Variants in SHOC1 observed in about 807,000 individuals in gnomAD.
The protein encoded by SHOC1 is protein shortage in chiasmata 1 ortholog.
SHOC1 carries 136 observed loss-of-function variants against 179.2 expected under a neutral mutation model. The observed-to-expected ratio is 0.76, with a 90% CI of 0.66 to 0.87. The LOEUF (loss-of-function observed/expected upper bound fraction) is 0.87. Among genes scored for constraint, SHOC1 ranks in the 40% least tolerant of loss-of-function variants. SHOC1 has a pLI of 0.00. For missense variants in SHOC1, 1,538 were observed against 1,700.8 expected (o/e 0.90, Z 1.68); for synonymous variants, 489 against 586.6 (o/e 0.83, Z 2.41).
chr9:111,765,396 G>A (rs1161402121), intron 5 of SHOC1, among the ~76,000 whole-genome samples: 4 of 152,022 alleles, frequency 2.6e-5, no homozygotes, highest in East Asian at 3.9e-4. Flanking sequence ...CCAGGAGCTC[G>A]TGACCAGCCT....
intron 3 of SHOC1, among the ~76,000 whole-genome samples, chr9:111,782,710 G>A (rs12336858): frequency 0.19 from 28,592 of 150,574 alleles, 2,885 homozygotes; most frequent in Non-Finnish European, 0.22. Flanking sequence ...CCACAGATGA[G>A]GTCTAAAAAA....
rs960070860 is a variant in SHOC1, at chr9:111,714,614, G to A, written c.2246C>T (p.Ser749Leu). The change falls in exon 17 of 28, where the codon TCG becomes TTG. Residue 749 changes from serine to leucine, a missense_variant. Physicochemically the swap from Ser to Leu is moderately radical, Grantham distance 145. Coordinates refer to ENST00000682961, the MANE Select transcript of SHOC1 (RefSeq NM_001378211.1). Reference sequence around the variant, plus strand: ...GCTGTTGTAGATATCTTTTGCCTTCGACAAATATCCTATTGAAGCAAAATT... The same window carrying A: ...GCTGTTGTAGATATCTTTTGCCTTCAACAAATATCCTATTGAAGCAAAATT... ...CSLDTALGYL[S>L]KAKDIYNSIL... is the part of the protein sequence containing the mutation. 5.0e-6 allele frequency: 8 copies of A among 1,608,482 alleles called. No homozygotes were observed. Among genetic ancestry groups the A allele is most frequent in the Non-Finnish European group, 2.5e-6 (3 of 1,178,684 alleles).
chr9:111,780,794 G>A (rs1219627425), intron 4 of SHOC1, 136 bp downstream of exon 4: 2 of 564,656 alleles, frequency 3.5e-6, no homozygotes, highest in Admixed American at 3.6e-5. Flanking sequence ...GTTCAAATTA[G>A]GACCTTTTCT....
chr9:111,727,745 A>G lies in SHOC1; in HGVS notation c.1722T>C (p.His574=). ...SSIIKKASFE[H]GKKQENDLDL... ...CCAAATCATTCTCTTGTTTTTTGCC[A>G]TGTTCAAAAGATGCTTTTTTAATTA... The change falls in exon 13 of 28, where the codon CAT becomes CAC. Residue 574 remains histidine (H), a synonymous_variant. Coordinates refer to ENST00000682961, the MANE Select transcript of SHOC1 (RefSeq NM_001378211.1). 6.2e-7 allele frequency: 1 copy of G among 1,613,394 alleles called. No homozygotes were observed. The highest frequency in any genetic ancestry group is 2.2e-5 in the East Asian group (1 of 44,762).
chr9:111,703,988 T>C lies in SHOC1; in HGVS notation c.2860A>G (p.Asn954Asp). 6.5e-7 allele frequency: 1 copy of C among 1,532,282 alleles called. No individual in the cohort carries two copies. The highest frequency in any genetic ancestry group is 8.9e-7 in the Non-Finnish European group (1 of 1,118,880). The allele number at this position is 1,532,282 out of a possible 1,614,324, so 94.9% of individuals were successfully genotyped here. ...DILQLLESNY[N>D]ISLVERGCSE... ...CAGCCTCTCTCTACTAGTGAGATGT[T>C]ATAGCTGTAAAATACAATATTCTTG... The change falls in exon 22 of 28, where the codon AAC (asparagine) becomes GAC (aspartate). Residue 954 changes from asparagine (N) to aspartate (D), a missense_variant. Transcript: ENST00000682961.
At chr9:111,689,491 T>G (rs1831331154) in intron 27 of SHOC1, among the ~76,000 whole-genome samples, 1 of 151,878 alleles carries the variant, frequency 6.6e-6, no homozygotes, top group African/African-American at 2.4e-5. Context: ...CTTGAGGTTA[T>G]GGGTTATGCT....
intron 18 of SHOC1, among the ~76,000 whole-genome samples, chr9:111,708,214 T>A (rs933898597): frequency 6.7e-6 from 1 of 149,608 alleles, no homozygotes; most frequent in Non-Finnish European, 1.5e-5. Context: ...TATTTTTTAT[T>A]TTTTTTGAGA....
chr9:111,738,340 A>T lies in SHOC1; in HGVS notation c.1357T>A (p.Leu453Met). ...HLNTYLCHDN[L>M]SSNDTKIEIF... is the part of the protein sequence containing the mutation. The stretch of plus-strand genomic sequence containing the variant: ...TCAATTTTAGTGTCATTAGAAGACA[A>T]ATTATCATGACATAAATATGTATTC... Residue 453 changes from leucine to methionine, a missense_variant, in exon 12 of 28, where the codon TTG becomes ATG. Physicochemically the swap from Leu to Met is conservative, Grantham distance 15. Coordinates refer to ENST00000682961, the MANE Select transcript of SHOC1 (RefSeq NM_001378211.1). 6.2e-7 allele frequency: 1 copy of T among 1,611,514 alleles called. No homozygotes were observed. The highest frequency in any genetic ancestry group is 8.5e-7 in the Non-Finnish European group (1 of 1,179,034).
At chr9:111,782,361 A>C (rs1276081079) in intron 3 of SHOC1, among the ~76,000 whole-genome samples, 1 of 152,176 alleles carries the variant, frequency 6.6e-6, no homozygotes, top group Admixed American at 6.5e-5. Flanking sequence ...TTTTATGTAC[A>C]AACTAGGAAG....
intron 11 of SHOC1, 123 bp from the exon 12 acceptor site, chr9:111,738,645 G>A (rs1459551332): frequency 2.2e-6 from 2 of 918,226 alleles, no homozygotes; most frequent in Non-Finnish European, 3.0e-6. Context: ...TAGAAAATAA[G>A]TGAAACTTGA....
At chr9:111,759,099 G>T in intron 5 of SHOC1, 1 of 1,514,070 alleles carries the variant, frequency 6.6e-7, no homozygotes, top group Non-Finnish European at 8.9e-7. Context: ...GAGCTGTAAC[G>T]GCTAATACTT....
In SHOC1 at chr9:111,759,494, T is replaced by G. The variant is rs576000440; in HGVS notation, c.443-646A>C. On this transcript the variant is annotated intron_variant, in intron 5 of 27. Transcript: ENST00000682961. ...AAATTTCTCCTCTCGGTCTCCACCC[T>G]GCCTTGTCTGGGTTTCTTTAGAATC... 1.4e-5 allele frequency: 17 copies of G among 1,232,092 alleles called. No individual in the cohort carries two copies. The South Asian group carries it at 5.6e-4, about 40-fold the overall frequency. 76.3% of individuals were successfully genotyped at this position (1,232,092 alleles called of 1,614,324 possible).
At position 111,758,079 on chromosome 9, in the gene SHOC1, A is replaced by G. The variant is rs777445905; in HGVS notation, c.708+5T>C. 1 of 1,418,088 alleles carries G rather than the reference A, an allele frequency of 7.1e-7. No individual in the cohort carries two copies. The highest frequency in any genetic ancestry group is 2.1e-5 in the Admixed American group (1 of 46,710). The allele number at this position is 1,418,088 out of a possible 1,614,324, so 87.8% of individuals were successfully genotyped here. On this transcript the variant is annotated splice_donor_5th_base_variant and intron_variant, in intron 7 of 27. Coordinates refer to ENST00000682961, the MANE Select transcript of SHOC1 (RefSeq NM_001378211.1). ...TAAAATATTATTGAAAGCCAGTATT[A>G]CAACCTCATTTAAACATATTGTATC...
intron 5 of SHOC1, 36 bp downstream of exon 5, chr9:111,775,755 G>A: frequency 1.3e-6 from 2 of 1,549,042 alleles, no homozygotes. Context: ...ATATCAGTAA[G>A]AAATGTTTTA....
rs771304041 is a variant in SHOC1, at chr9:111,756,385, A to G, written c.802T>C (p.Leu268=). ...IPSLSELKEL[L]NPVPEIINYV... ...TTTATTATTTCTGGCACTGGGTTTA[A>G]TAACTCCTTCAGTTCTGAGAGTGAT... The change falls in exon 8 of 28, where the codon TTA becomes CTA. Residue 268 remains leucine (L), a synonymous_variant. Coordinates refer to ENST00000682961, the MANE Select transcript of SHOC1 (RefSeq NM_001378211.1). 1.2e-6 allele frequency: 2 copies of G among 1,612,260 alleles called. No homozygotes were observed. The highest frequency in any genetic ancestry group is 2.2e-5 in the South Asian group (2 of 90,690).
chr9:111,731,290 G>A (rs917060082), intron 12 of SHOC1, among the ~76,000 whole-genome samples: 1 of 152,000 alleles, frequency 6.6e-6, no homozygotes, highest in Non-Finnish European at 1.5e-5. Flanking sequence ...TTGGCAACTG[G>A]CCAAAAGCAA....
In SHOC1 at chr9:111,714,506, T is replaced by C. The variant is rs762421616; in HGVS notation, c.2354A>G (p.Tyr785Cys). ...CTGACATTGCAATTCTTGTATCTTG[T>C]AGTTGGTTTCAGGCTTTTTCCCCCT... ...FIRGKKPETN[Y>C]KIQELQCQIL... Residue 785 changes from tyrosine to cysteine, a missense_variant, in exon 17 of 28, where the codon TAC becomes TGC. Tyr to Cys is a radical substitution (Grantham distance 194). Transcript: ENST00000682961. 1.9e-6 allele frequency: 3 copies of C among 1,613,994 alleles called. No individual in the cohort carries two copies. The highest frequency in any genetic ancestry group is 1.3e-5 in the African/African-American group (1 of 75,036).
intron 5 of SHOC1, among the ~76,000 whole-genome samples, chr9:111,760,095 A>G (rs1227769124): frequency 6.6e-6 from 1 of 152,176 alleles, no homozygotes; most frequent in Non-Finnish European, 1.5e-5. Context: ...GCATTAATTT[A>G]TATCCTATAT....
chr9:111,768,797 G>A (rs1366990685), intron 5 of SHOC1, among the ~76,000 whole-genome samples: 3 of 152,074 alleles, frequency 2.0e-5, no homozygotes, highest in African/African-American at 4.8e-5. Flanking sequence ...CACGTTTTAT[G>A]TTGAATAAAA....
Sources: gnomAD v4.1 joint callset for allele counts (sites outside exome capture counted in the v4.1 genomes callset) on GRCh38, gnomAD v4.1.1 for gene constraint, MANE v1.5 for transcripts, NCBI Gene and HGNC (gene_info 2026-07-23, HGNC 2026-07-21) for gene names.